The following ZNF469 variants were observed in gnomAD, a reference collection of about 807,000 sequenced individuals.
ZNF469 encodes the protein zinc finger protein 469.
ZNF469 carries 1 observed loss-of-function variant against 1.0 expected under a neutral mutation model. That is an observed-to-expected ratio of 1.00 (90% CI 0.35 to 4.73). The LOEUF is 4.73. ZNF469 is among the 30% of genes most tolerant of loss of function. ZNF469 has a pLI of 0.16. For missense variants in ZNF469, 6,100 were observed against 5,356.3 expected (o/e 1.14, Z -4.33); for synonymous variants, 2,703 against 2,363.4 (o/e 1.14, Z -4.17).
At chr16:88,241,252 A>T in the ZNF469 span, among the ~76,000 whole-genome samples, 1 of 151,756 alleles carries the variant, frequency 6.6e-6, no homozygotes, top group Non-Finnish European at 1.5e-5. The surrounding 1 kb of genome is among the most constrained non-coding windows in gnomAD (Gnocchi z 4.8). Flanking sequence ...CCAGCTACTT[A>T]GGAGGTTGAG....
intron 1 of ZNF469, among the ~76,000 whole-genome samples, chr16:88,414,761 G>A (rs1006389748): frequency 3.3e-5 from 5 of 152,256 alleles, no homozygotes; most frequent in Admixed American, 6.5e-5. Context: ...GTGCCCGGGC[G>A]GCACAGGGCC....
the ZNF469 span, among the ~76,000 whole-genome samples, chr16:88,165,403 G>T: frequency 6.6e-6 from 1 of 152,130 alleles, no homozygotes; most frequent in African/African-American, 2.4e-5. Flanking sequence ...ATTGCTGCGG[G>T]GTCTGCTGGT....
chr16:88,170,340 G>C, the ZNF469 span, among the ~76,000 whole-genome samples: 1 of 152,070 alleles, frequency 6.6e-6, no homozygotes, highest in Admixed American at 6.5e-5. The surrounding 1 kb of genome is among the most constrained non-coding windows in gnomAD (Gnocchi z 4.2). Flanking sequence ...ATACGCAATC[G>C]ATTATTCTGA....
chr16:88,214,364 A>G, the ZNF469 span, among the ~76,000 whole-genome samples: 1 of 152,038 alleles, frequency 6.6e-6, no homozygotes, highest in Non-Finnish European at 1.5e-5. Context: ...TCCAGAAGCT[A>G]GAGTTTCCAT....
the ZNF469 span, among the ~76,000 whole-genome samples, chr16:88,340,246 G>A: frequency 6.6e-6 from 1 of 152,182 alleles, no homozygotes; most frequent in African/African-American, 2.4e-5. Flanking sequence ...TGTTGTTCAG[G>A]CACAGAGCAC....
At chr16:88,166,797 A>ACT in the ZNF469 span, among the ~76,000 whole-genome samples, 5 of 151,822 alleles carry the variant, frequency 3.3e-5, no homozygotes, top group African/African-American at 1.2e-4. The surrounding 1 kb of genome is among the most constrained non-coding windows in gnomAD (Gnocchi z 4.5). Context: ...ACACACACAC[A>ACT]CACAAATACA....
At chr16:88,124,161 T>C in the ZNF469 span, among the ~76,000 whole-genome samples, 1 of 152,186 alleles carries the variant, frequency 6.6e-6, no homozygotes, top group Non-Finnish European at 1.5e-5. Flanking sequence ...TTGATTGTGG[T>C]CTGGATGCAA....
chr16:88,319,704 G>A, the ZNF469 span, among the ~76,000 whole-genome samples: 1 of 152,214 alleles, frequency 6.6e-6, no homozygotes, highest in Admixed American at 6.5e-5. Flanking sequence ...GACGCCTTGG[G>A]TTTGTGGATG....
the ZNF469 span, among the ~76,000 whole-genome samples, chr16:88,370,301 T>C: frequency 2.2e-4 from 34 of 152,344 alleles, no homozygotes; most frequent in African/African-American, 7.9e-4. Flanking sequence ...TGTGGGCATT[T>C]GTGCAGATTG....
chr16:88,152,936 C>T, the ZNF469 span, among the ~76,000 whole-genome samples: 9 of 152,218 alleles, frequency 5.9e-5, no homozygotes, highest in Admixed American at 5.9e-4. This position sits in a 1 kb window ranked among gnomAD's most constrained non-coding sequence, Gnocchi z 4.2. Flanking sequence ...CAAATGCCGT[C>T]TCCTCCACCT....
chr16:88,380,392 C>G (rs111210134), upstream of ZNF469, among the ~76,000 whole-genome samples: 149 of 115,398 alleles, frequency 1.3e-3, 8 homozygotes, highest in African/African-American at 8.7e-3. Flanking sequence ...CACTCACAGA[C>G]ACGCCCTCAC....
intron 1 of ZNF469, among the ~76,000 whole-genome samples, chr16:88,387,877 C>G (rs1904379828): frequency 6.6e-6 from 1 of 152,208 alleles, no homozygotes; most frequent in Non-Finnish European, 1.5e-5. Flanking sequence ...GCCCATCTCC[C>G]CAGCCCTTGC....
chr16:88,186,583 C>A, the ZNF469 span, among the ~76,000 whole-genome samples: 2 of 152,162 alleles, frequency 1.3e-5, no homozygotes, highest in African/African-American at 4.8e-5. Flanking sequence ...GACGAAGAGG[C>A]CGAACACAGC....
the ZNF469 span, among the ~76,000 whole-genome samples, chr16:88,179,899 G>C: frequency 1.3e-5 from 2 of 152,340 alleles, no homozygotes; most frequent in African/African-American, 4.8e-5. Context: ...CTTGCTGTCA[G>C]GTTACTACAT....
the ZNF469 span, among the ~76,000 whole-genome samples, chr16:88,272,775 C>CGG: frequency 7.3e-6 from 1 of 137,790 alleles, no homozygotes; most frequent in African/African-American, 2.8e-5. Flanking sequence ...GACGAGTGGA[C>CGG]AGGTGGATGA....
chr16:88,437,566 C>A lies in ZNF469; in HGVS notation c.10096C>A (p.Leu3366Met). 6.5e-7 allele frequency: 1 copy of A among 1,537,454 alleles called. No homozygotes were observed. The highest frequency in any genetic ancestry group is 8.8e-7 in the Non-Finnish European group (1 of 1,137,582). Residue 3366 changes from leucine (L) to methionine (M), a missense_variant, in exon 3 of 3, where the codon CTG becomes ATG. Physicochemically the swap from Leu to Met is conservative, Grantham distance 15. Coordinates refer to ENST00000565624, the MANE Select transcript of ZNF469 (RefSeq NM_001367624.2). ...GGTGCACAGCCCGCAGCGCGTCTACCTGTGCCCCCGGTGCCCCCGGGTCTA... is the reference window on the plus strand; with the variant it reads ...GGTGCACAGCCCGCAGCGCGTCTACATGTGCCCCCGGTGCCCCCGGGTCTA... ...LAVHSPQRVY[L>M]CPRCPRVYPE...
At chr16:88,132,275 C>T in the ZNF469 span, among the ~76,000 whole-genome samples, 9 of 152,234 alleles carry the variant, frequency 5.9e-5, no homozygotes, top group East Asian at 9.6e-4. Context: ...CCCAGTCACT[C>T]GGTGCTCGGG....
Position 88,431,508 on chromosome 16 carries a change from T to A in ZNF469, c.4038T>A (p.Ser1346=). The A allele has an allele frequency of 1.3e-6, 2 of 1,550,436 alleles. No homozygotes were observed. Among genetic ancestry groups the A allele is most frequent in the Non-Finnish European group, 1.7e-6 (2 of 1,146,988 alleles). ...CCTGCCCCAAACCCAGTGTTCTGTC[T>A]TCAAAGATCTCCAGTTTTGGCTGTG... The part of the protein sequence containing the change: ...STACPKPSVL[S]SKISSFGCDP... The change falls in exon 3 of 3, where the codon TCT becomes TCA. Residue 1346 remains serine (S), a synonymous_variant. Transcript: ENST00000565624.
the ZNF469 span, among the ~76,000 whole-genome samples, chr16:88,363,027 T>G: frequency 6.6e-6 from 1 of 152,232 alleles, no homozygotes; most frequent in Non-Finnish European, 1.5e-5. Context: ...AGATATTGTA[T>G]ATTTTACTTT....
Sources: allele counts gnomAD v4.1 joint callset (sites outside exome capture counted in the v4.1 genomes callset), GRCh38; gene constraint gnomAD v4.1.1; non-coding constraint Gnocchi (gnomAD v3.1); transcripts MANE v1.5; gene names NCBI Gene and HGNC (gene_info 2026-07-23, HGNC 2026-07-21).